Variants in FSD1 observed in about 807,000 individuals in gnomAD.
The protein encoded by FSD1 is fibronectin type III and SPRY domain containing 1.
FSD1 carries 23 observed loss-of-function variants against 58.2 expected under a neutral mutation model. The ratio of observed to expected loss-of-function variants is 0.40; its 90% CI spans 0.28 to 0.56. The LOEUF is 0.56. Among genes scored for constraint, FSD1 ranks in the 20% least tolerant of loss-of-function variants. The probability of loss-of-function intolerance (pLI) is 0.54; values close to 1 mark genes in which losing one functional copy is unlikely to be tolerated. For synonymous variants in FSD1, 265 were observed against 263.4 expected (o/e 1.01, Z -0.06); for missense variants, 563 against 670.8 (o/e 0.84, Z 1.78).
Position 4,323,369 on chromosome 19 carries a change from C to T in FSD1, c.1313C>T (p.Ala438Val), listed in dbSNP as rs775374693. 6.2e-7 allele frequency: 1 copy of T among 1,613,804 alleles called. No individual in the cohort carries two copies. Among genetic ancestry groups the T allele is most frequent in the Non-Finnish European group, 8.5e-7 (1 of 1,179,816 alleles). ...CCAGGCCTCCTGTCCTTCTACAATG[C>T]CCGCACCAAACAAGTGCTGCACACT... is the stretch of plus-strand genomic sequence containing the variant. The part of the protein sequence containing the change: ...FHQGLLSFYN[A>V]RTKQVLHTFK... The change falls in exon 12 of 13, where the codon GCC (alanine) becomes GTC (valine). Residue 438 changes from alanine (A) to valine (V), a missense_variant. Physicochemically the swap from Ala to Val is moderately conservative, Grantham distance 64. Coordinates refer to ENST00000221856, the MANE Select transcript of FSD1 (RefSeq NM_024333.3). The surrounding 1 kb of genome is among the most constrained non-coding windows in gnomAD (Gnocchi z 7.7).
chr19:4,305,741 G>A (rs566154112), intron 1 of FSD1, among the ~76,000 whole-genome samples: 22 of 152,318 alleles, frequency 1.4e-4, no homozygotes, highest in Admixed American at 1.3e-3. Flanking sequence ...AGGGGAGCGC[G>A]GGTCAGGGAG....
chr19:4,307,262 C>T (rs1971632840), intron 3 of FSD1, among the ~76,000 whole-genome samples: 2 of 151,950 alleles, frequency 1.3e-5, no homozygotes, highest in Non-Finnish European at 1.5e-5. Flanking sequence ...CACCATGTTG[C>T]CTAGACTAGT....
intron 10 of FSD1, among the ~76,000 whole-genome samples, chr19:4,321,206 C>G (rs1436549485): frequency 1.3e-4 from 2 of 15,092 alleles, no homozygotes; most frequent in African/African-American, 2.7e-4. Context: ...ATAACTGCAG[C>G]CTGAGGAGTA....
At chr19:4,321,723 A>G (rs953273866) in intron 10 of FSD1, among the ~76,000 whole-genome samples, 2 of 150,064 alleles carry the variant, frequency 1.3e-5, no homozygotes, top group African/African-American at 2.5e-5. Context: ...CTGGAGTCCA[A>G]GGAGTATCTG....
At chr19:4,312,957 G>A (rs933032932) in intron 7 of FSD1, among the ~76,000 whole-genome samples, 53 of 151,818 alleles carry the variant, frequency 3.5e-4, no homozygotes, top group Non-Finnish European at 5.4e-4. Flanking sequence ...TACTGTCCTC[G>A]GAGCAGGGAA....
At chr19:4,322,929 A>ATCTGTG in intron 10 of FSD1, 57 bp from the exon 11 acceptor site, 19 of 1,550,088 alleles carry the variant, frequency 1.2e-5, no homozygotes, top group Admixed American at 1.8e-5. Context: ...GTGGAAGGGC[A>ATCTGTG]TCTGTGGCCC....
chr19:4,317,070 G>C, intron 7 of FSD1, 112 bp from the exon 8 acceptor site: 1 of 711,586 alleles, frequency 1.4e-6, no homozygotes. Context: ...ATGTTTATAA[G>C]GTGGTTCTTA....
At chr19:4,319,256 A>G (rs1188885522) in intron 10 of FSD1, among the ~76,000 whole-genome samples, 6 of 152,070 alleles carry the variant, frequency 3.9e-5, no homozygotes, top group African/African-American at 1.4e-4. Flanking sequence ...GCTGGGATTT[A>G]GGGAGTAGCT....
chr19:4,315,301 A>ATTTTTTTTTTT (rs1219053251), intron 7 of FSD1, among the ~76,000 whole-genome samples: 2 of 79,568 alleles, frequency 2.5e-5, no homozygotes, highest in Non-Finnish European at 4.6e-5. Flanking sequence ...CGCCTGGTTA[A>ATTTTTTTTTTT]TTTTTTTTTT....
chr19:4,316,588 G>C (rs1019932572), intron 7 of FSD1, among the ~76,000 whole-genome samples: 2 of 151,962 alleles, frequency 1.3e-5, no homozygotes, highest in African/African-American at 4.8e-5. Flanking sequence ...GCCCAGGCTG[G>C]AGTGCAGTCG....
At chr19:4,318,175 C>T (rs1971775244) in intron 8 of FSD1, among the ~76,000 whole-genome samples, 171 bp from the exon 9 acceptor site, 1 of 151,506 alleles carries the variant, frequency 6.6e-6, no homozygotes, top group South Asian at 2.1e-4. Flanking sequence ...ATATCTGTCT[C>T]TCTCCGAGGC....
chr19:4,322,940 A>G, intron 10 of FSD1, 46 bp from the exon 11 acceptor site: 1 of 1,568,698 alleles, frequency 6.4e-7, no homozygotes, highest in Non-Finnish European at 8.7e-7. Flanking sequence ...TCTGTGGCCC[A>G]GTTCTATCCA....
Position 4,323,664 on chromosome 19 carries a change from C to G in FSD1, c.*21C>G. 1 of 1,573,148 alleles carries G rather than the reference C, an allele frequency of 6.4e-7. No individual in the cohort carries two copies. Among genetic ancestry groups the G allele is most frequent in the Non-Finnish European group, 8.7e-7 (1 of 1,148,128 alleles). Reference sequence around the variant, plus strand: ...CCTAGGCCCCCAGGCACCCACCCAGCTGGGGTGTTTTTGGGGGAGTCGCCG... The same window carrying G: ...CCTAGGCCCCCAGGCACCCACCCAGGTGGGGTGTTTTTGGGGGAGTCGCCG... On this transcript the variant is annotated 3_prime_UTR_variant, in exon 13 of 13. Transcript: ENST00000221856. This position sits in a 1 kb window ranked among gnomAD's most constrained non-coding sequence, Gnocchi z 7.7.
At chr19:4,306,439 C>A in intron 3 of FSD1, 110 bp downstream of exon 3, 1 of 1,023,450 alleles carries the variant, frequency 9.8e-7, no homozygotes. Flanking sequence ...TCTGATCTCT[C>A]CCCTGACCCC....
rs182632459 is a variant in FSD1, at chr19:4,316,705, A to G, written c.701-477A>G. Reference sequence around the variant, plus strand: ...AAGTAATTCATAGCCCCTCAGGGAGAGGAGGGCAAGGAATGGTCTCAGGGG... The same window carrying G: ...AAGTAATTCATAGCCCCTCAGGGAGGGGAGGGCAAGGAATGGTCTCAGGGG... On this transcript the variant is annotated intron_variant, in intron 7 of 12. Coordinates refer to ENST00000221856, the MANE Select transcript of FSD1 (RefSeq NM_024333.3). Among the ~76,000 whole-genome samples, 3 of 151,980 alleles carry G rather than the reference A, an allele frequency of 2.0e-5. No homozygotes were observed. The East Asian group carries it at 5.8e-4, about 29-fold the overall frequency.
In FSD1 at chr19:4,322,914, C is replaced by A. The variant is rs772658233; in HGVS notation, c.1040-72C>A. The A allele has an allele frequency of 2.8e-4, 432 of 1,520,460 alleles. 1 individual carries two copies. Among genetic ancestry groups the A allele is most frequent in the Non-Finnish European group, 3.7e-4 (413 of 1,128,554 alleles). The allele number at this position is 1,520,460 out of a possible 1,614,324, so 94.2% of individuals were successfully genotyped here. On this transcript the variant is annotated intron_variant, in intron 10 of 12. Transcript: ENST00000221856. ...TGTAAGGAGCACCTTGGGGGCTGGCCCTTTGTGGAAGGGCATCTGTGGCCC... is the reference window on the plus strand; with the variant it reads ...TGTAAGGAGCACCTTGGGGGCTGGCACTTTGTGGAAGGGCATCTGTGGCCC...
At chr19:4,318,152 C>G (rs967672535) in intron 8 of FSD1, among the ~76,000 whole-genome samples, 194 bp from the exon 9 acceptor site, 1 of 151,578 alleles carries the variant, frequency 6.6e-6, no homozygotes, top group Non-Finnish European at 1.5e-5. Flanking sequence ...TGTCCTTCTG[C>G]TTGTCCATCT....
chr19:4,323,678 G>C lies in FSD1; in HGVS notation c.*35G>C, dbSNP rs766698195. ...CACCCACCCAGCTGGGGTGTTTTTG[G>C]GGGAGTCGCCGCCAAGCCCAGGCTG... On this transcript the variant is annotated 3_prime_UTR_variant, in exon 13 of 13. Transcript: ENST00000221856. The surrounding 1 kb of genome is among the most constrained non-coding windows in gnomAD (Gnocchi z 7.7). The C allele has an allele frequency of 3.4e-6, 5 of 1,487,554 alleles. No homozygotes were observed. The highest frequency in any genetic ancestry group is 3.7e-6 in the Non-Finnish European group (4 of 1,078,182). The allele number at this position is 1,487,554 out of a possible 1,614,324, so 92.1% of individuals were successfully genotyped here.
At chr19:4,319,686 G>A (rs1008037601) in intron 10 of FSD1, among the ~76,000 whole-genome samples, 1 of 152,018 alleles carries the variant, frequency 6.6e-6, no homozygotes, top group Admixed American at 6.6e-5. Flanking sequence ...AGAGTTTTAG[G>A]GAGAAGCAGA....
Sources: allele counts gnomAD v4.1 joint callset (sites outside exome capture counted in the v4.1 genomes callset), GRCh38; gene constraint gnomAD v4.1.1; non-coding constraint Gnocchi (gnomAD v3.1); transcripts MANE v1.5; gene names NCBI Gene and HGNC (gene_info 2026-07-23, HGNC 2026-07-21).